CALN1: variants seen among roughly 807,000 people sequenced by gnomAD.
CALN1 encodes calcium-binding protein 8.
A neutral mutation model predicts 30.6 loss-of-function variants in CALN1; 17 were observed. The observed-to-expected ratio is 0.56, with a 90% CI of 0.38 to 0.83. The LOEUF (loss-of-function observed/expected upper bound fraction) is 0.83, where lower values mean the gene tolerates loss of function less well. CALN1 is among the 40% of genes least tolerant of loss of function. The pLI is 0.00. For synonymous variants in CALN1, 156 were observed against 131.4 expected (o/e 1.19, Z -1.28); for missense variants, 291 against 354.9 (o/e 0.82, Z 1.45).
At chr7:71,901,025 G>A (rs1006717102) in intron 5 of CALN1, among the ~76,000 whole-genome samples, 1 of 152,000 alleles carries the variant, frequency 6.6e-6, no homozygotes, top group Non-Finnish European at 1.5e-5. Flanking sequence ...TCTCATTCTT[G>A]AGCAGCCCAC....
intron 3 of CALN1, among the ~76,000 whole-genome samples, chr7:72,132,191 T>G (rs377494896): frequency 6.6e-6 from 1 of 152,168 alleles, no homozygotes; most frequent in Non-Finnish European, 1.5e-5. Flanking sequence ...AAGTCCAAAA[T>G]GCATTTAATA....
At chr7:72,470,043 A>G in the CALN1 span, among the ~76,000 whole-genome samples, 2 of 152,180 alleles carry the variant, frequency 1.3e-5, no homozygotes, top group African/African-American at 4.8e-5. Flanking sequence ...AAAGCAGTGA[A>G]AAGAACATAG....
At chr7:72,272,804 A>T (rs1315410910) in intron 3 of CALN1, among the ~76,000 whole-genome samples, 2 of 151,952 alleles carry the variant, frequency 1.3e-5, no homozygotes, top group Admixed American at 6.5e-5. Context: ...CCTCAACCCA[A>T]ACCCACTTCA....
At chr7:71,822,948 C>T (rs1788679289) in intron 5 of CALN1, among the ~76,000 whole-genome samples, 1 of 152,038 alleles carries the variant, frequency 6.6e-6, no homozygotes, top group African/African-American at 2.4e-5. Flanking sequence ...AATAACTGTC[C>T]CTAAACTAAG....
Position 72,106,276 on chromosome 7 carries a change from C to G in CALN1, c.263G>C (p.Arg88Pro). Residue 88 changes from arginine (R) to proline (P), a missense_variant, in exon 4 of 7, where the codon CGG (arginine) becomes CCG (proline). Coordinates refer to ENST00000395275, the MANE Select transcript of CALN1 (RefSeq NM_031468.4). Reference sequence around the variant, plus strand: ...GCCGTTCCCATCCCGGTCCAGAACCCGAAAGGCCTCTCGGATTTCTACAAT... The same window carrying G: ...GCCGTTCCCATCCCGGTCCAGAACCGGAAAGGCCTCTCGGATTTCTACAAT... Reference protein sequence around the residue: ...EELDEIREAFRVLDRDGNGFI... With the variant: ...EELDEIREAFPVLDRDGNGFI... The G allele has an allele frequency of 6.2e-7, 1 of 1,613,992 alleles. No individual in the cohort carries two copies. The highest frequency in any genetic ancestry group is 8.5e-7 in the Non-Finnish European group (1 of 1,179,988).
At chr7:72,031,819 G>A (rs844680) in intron 4 of CALN1, among the ~76,000 whole-genome samples, 44,410 of 146,856 alleles carry the variant, frequency 0.3, 10,145 homozygotes, top group African/African-American at 0.63. Flanking sequence ...TTGGCTGATC[G>A]CAACCTCCGC....
intron 5 of CALN1, among the ~76,000 whole-genome samples, chr7:71,817,382 TC>T (rs1788327440): frequency 6.6e-6 from 1 of 152,224 alleles, no homozygotes; most frequent in South Asian, 2.1e-4. Context: ...GTCACCTTTT[TC>T]TGTTGTTAAT....
At chr7:72,201,737 TAAAAA>T (rs778266725) in intron 3 of CALN1, among the ~76,000 whole-genome samples, 6 of 117,868 alleles carry the variant, frequency 5.1e-5, no homozygotes, top group Middle Eastern at 4.5e-3. Context: ...TGAATCTGAT[TAAAAA>T]AAAAAAAAAA....
At position 71,994,953 on chromosome 7, in the gene CALN1, C is replaced by T. The variant is rs545636595; in HGVS notation, c.501+28704G>A. Among the ~76,000 whole-genome samples, 5 of 151,442 alleles carry T rather than the reference C, an allele frequency of 3.3e-5. No individual in the cohort carries two copies. The South Asian group carries it at 8.4e-4, about 25-fold the overall frequency. ...CTGCAGGCTCCGCCTCCCAGGTTCA[C>T]GCCATTCTCCTGCCTCAGCCTCCTG... On this transcript the variant is annotated intron_variant, in intron 5 of 6. Coordinates refer to ENST00000395275, the MANE Select transcript of CALN1 (RefSeq NM_031468.4).
chr7:71,971,765 G>A (rs1321427159), intron 5 of CALN1, among the ~76,000 whole-genome samples: 1 of 151,048 alleles, frequency 6.6e-6, no homozygotes, highest in Non-Finnish European at 1.5e-5. Flanking sequence ...AAGTATGGTA[G>A]CATACACCTC....
At chr7:72,227,535 G>A (rs1203438271) in intron 3 of CALN1, among the ~76,000 whole-genome samples, 20 of 122,804 alleles carry the variant, frequency 1.6e-4, no homozygotes, top group African/African-American at 4.0e-4. Flanking sequence ...GAAAGACTCC[G>A]TCTCAAAAAA....
chr7:72,206,831 G>T (rs1791922905), intron 3 of CALN1, among the ~76,000 whole-genome samples: 1 of 152,122 alleles, frequency 6.6e-6, no homozygotes, highest in South Asian at 2.1e-4. Flanking sequence ...AATAAGAATG[G>T]ATTTATCCTT....
chr7:71,783,957 C>A lies in CALN1; in HGVS notation c.*3818G>T, dbSNP rs1434951072. 2 of 152,220 alleles carry A rather than the reference C, an allele frequency of 1.3e-5. No homozygotes were observed. The highest frequency in any genetic ancestry group is 1.9e-4 in the East Asian group (1 of 5,190). 9.4% of individuals were successfully genotyped at this position (152,220 alleles called of 1,614,324 possible). A position where few individuals can be genotyped will look rare whatever the true frequency, so the allele number is the denominator to read the frequency against. ...GTTCTCTGCAAATAAAACACCCAGA[C>A]ATTTCTGAAACCACTGGGTTTGCCT... On this transcript the variant is annotated 3_prime_UTR_variant, in exon 7 of 7. Transcript: ENST00000395275.
chr7:72,279,470 G>A (rs1159439247), intron 2 of CALN1, among the ~76,000 whole-genome samples: 1 of 152,140 alleles, frequency 6.6e-6, no homozygotes, highest in African/African-American at 2.4e-5. Context: ...CAGGAGTGAC[G>A]CCTTCAGGTG....
chr7:72,292,640 G>A (rs1798566019), intron 2 of CALN1, among the ~76,000 whole-genome samples: 3 of 151,118 alleles, frequency 2.0e-5, no homozygotes. Context: ...GGCCAACATG[G>A]TGAAATCCTG....
At chr7:72,291,609 C>A (rs1279578902) in intron 2 of CALN1, among the ~76,000 whole-genome samples, 1 of 152,152 alleles carries the variant, frequency 6.6e-6, no homozygotes, top group Non-Finnish European at 1.5e-5. Context: ...AGCCATTGAT[C>A]TGGGAAGAAA....
chr7:72,397,712 T>TCTCA (rs754443511), intron 2 of CALN1, among the ~76,000 whole-genome samples: 33 of 70,290 alleles, frequency 4.7e-4, no homozygotes, highest in African/African-American at 1.5e-3. Flanking sequence ...ACCCATTCTC[T>TCTCA]CTCACACACA....
intron 3 of CALN1, among the ~76,000 whole-genome samples, chr7:72,251,267 G>A: frequency 6.6e-6 from 1 of 152,140 alleles, no homozygotes; most frequent in Non-Finnish European, 1.5e-5. Flanking sequence ...CCACATCACA[G>A]GATTTTTTTC....
chr7:72,468,870 C>T, the CALN1 span, among the ~76,000 whole-genome samples: 2 of 152,104 alleles, frequency 1.3e-5, no homozygotes, highest in Non-Finnish European at 2.9e-5. Context: ...TGGGGAAATG[C>T]CTGTTCAAAT....
Sources: gnomAD v4.1 joint callset for allele counts (sites outside exome capture counted in the v4.1 genomes callset) on GRCh38, gnomAD v4.1.1 for gene constraint, MANE v1.5 for transcripts, NCBI Gene and HGNC (gene_info 2026-07-23, HGNC 2026-07-21) for gene names.